The following PTPRD variants were observed in gnomAD, a reference collection of about 807,000 sequenced individuals.
PTPRD encodes receptor-type tyrosine-protein phosphatase delta.
PTPRD carries 34 observed loss-of-function variants against 214.5 expected under a neutral mutation model. The ratio of observed to expected loss-of-function variants is 0.16; its 90% CI spans 0.12 to 0.21. PTPRD has a LOEUF of 0.21. PTPRD is among the 10% of genes least tolerant of loss of function. The pLI, the probability that PTPRD is intolerant of heterozygous loss-of-function variation, is 1.00. For synonymous variants in PTPRD, 1,128 were observed against 845.7 expected (o/e 1.33, Z -5.79); for missense variants, 2,545 against 2,398.7 (o/e 1.06, Z -1.27).
intron 35 of PTPRD, among the ~76,000 whole-genome samples, chr9:8,415,165 A>C (rs1015210022): frequency 6.6e-6 from 1 of 152,154 alleles, no homozygotes; most frequent in Admixed American, 6.6e-5. Flanking sequence ...ACCATGATTC[A>C]CCCTTGTTCA....
chr9:9,037,625 T>G (rs324517), intron 10 of PTPRD, among the ~76,000 whole-genome samples: 55,180 of 152,008 alleles, frequency 0.36, 10,399 homozygotes, highest in Non-Finnish European at 0.39. Context: ...ACTAAGGGCT[T>G]AAGGTAAAAG....
chr9:9,173,095 G>A (rs1014043703), intron 10 of PTPRD, among the ~76,000 whole-genome samples: 2 of 152,010 alleles, frequency 1.3e-5, no homozygotes, highest in Non-Finnish European at 2.9e-5. Flanking sequence ...GAGCCCTTCT[G>A]TTCCTTGCTT....
intron 7 of PTPRD, among the ~76,000 whole-genome samples, chr9:9,629,744 T>C (rs1298646667): frequency 1.3e-5 from 2 of 151,976 alleles, no homozygotes; most frequent in East Asian, 1.9e-4. Flanking sequence ...GGGAAAGGAA[T>C]AGGCTCTTTC....
chr9:9,524,882 G>C (rs533491553), intron 8 of PTPRD, among the ~76,000 whole-genome samples: 2 of 152,328 alleles, frequency 1.3e-5, no homozygotes, highest in South Asian at 4.1e-4. Flanking sequence ...TGTTGAGACG[G>C]AGTCTCGCTC....
At position 10,288,746 on chromosome 9, in the gene PTPRD, T is replaced by C. The variant is rs74424072; in HGVS notation, c.-545+52217A>G. ...ATGAAAGCTTTATCTCTGCCTCATT[T>C]ACTTTACAAATTCTAAAATATAGAC... On this transcript the variant is annotated intron_variant, in intron 3 of 45. Transcript: ENST00000381196. Among the ~76,000 whole-genome samples, 1,179 of 152,328 alleles carry C rather than the reference T, an allele frequency of 7.7e-3. 8 individuals are homozygous for C. The highest frequency in any genetic ancestry group is 0.013 in the Non-Finnish European group (899 of 68,036).
At chr9:9,825,272 C>T (rs1480311366) in intron 5 of PTPRD, among the ~76,000 whole-genome samples, 1 of 151,048 alleles carries the variant, frequency 6.6e-6, no homozygotes, top group Non-Finnish European at 1.5e-5. Flanking sequence ...GCTTCTCAAC[C>T]TCTGAAATAT....
chr9:9,149,551 C>T (rs1726145136), intron 10 of PTPRD, among the ~76,000 whole-genome samples: 2 of 152,126 alleles, frequency 1.3e-5, no homozygotes, highest in Admixed American at 1.3e-4. Flanking sequence ...TTCACGGGTT[C>T]CCTGGCAATC....
intron 26 of PTPRD, 116 bp from the exon 27 acceptor site, chr9:8,493,095 T>A: frequency 1.2e-6 from 1 of 824,052 alleles, no homozygotes; most frequent in Non-Finnish European, 2.0e-6. Context: ...GCAGCCATGC[T>A]AAGCCCTGGA....
chr9:9,626,674 A>G (rs1172731461), intron 7 of PTPRD, among the ~76,000 whole-genome samples: 1 of 152,230 alleles, frequency 6.6e-6, no homozygotes, highest in Middle Eastern at 3.2e-3. Flanking sequence ...CAAGTACTGT[A>G]CATATAATAT....
At chr9:8,495,105 C>T (rs1217507139) in intron 26 of PTPRD, among the ~76,000 whole-genome samples, 1 of 152,080 alleles carries the variant, frequency 6.6e-6, no homozygotes, top group Non-Finnish European at 1.5e-5. Context: ...GATTTATTTC[C>T]AGCTGTGACT....
intron 9 of PTPRD, among the ~76,000 whole-genome samples, chr9:9,249,553 T>C (rs958057966): frequency 3.3e-5 from 5 of 152,124 alleles, no homozygotes; most frequent in Non-Finnish European, 5.9e-5. Flanking sequence ...CTCTCCATTT[T>C]TGTCTATGTC....
At chr9:9,626,285 A>C (rs12379710) in intron 7 of PTPRD, among the ~76,000 whole-genome samples, 18,046 of 152,144 alleles carry the variant, frequency 0.12, 1,141 homozygotes, top group Middle Eastern at 0.19. Flanking sequence ...GGGTGCTAGT[A>C]ATGACTACTT....
chr9:8,513,660 G>C (rs2097726089), intron 21 of PTPRD, among the ~76,000 whole-genome samples: 1 of 152,104 alleles, frequency 6.6e-6, no homozygotes, highest in East Asian at 1.9e-4. Flanking sequence ...ATCTCATAAT[G>C]GTTATCGTCC....
rs566602388 is a variant in PTPRD, at chr9:10,239,771, A to G, written c.-545+101192T>C. The stretch of plus-strand genomic sequence containing the variant: ...CTCACAAAATGATAACGCAATCTGA[A>G]GGCCTAAGAAGCAGCCTCAGAAGCA... On this transcript the variant is annotated intron_variant, in intron 3 of 45. Transcript: ENST00000381196. Among the ~76,000 whole-genome samples the G allele has an allele frequency of 2.0e-5, 3 of 152,030 alleles. No individual in the cohort carries two copies. The East Asian group carries it at 5.8e-4, about 30-fold the overall frequency.
At chr9:8,699,702 T>G (rs371538267) in intron 12 of PTPRD, among the ~76,000 whole-genome samples, 2 of 151,908 alleles carry the variant, frequency 1.3e-5, no homozygotes, top group African/African-American at 4.8e-5. Context: ...AATTCTTTTC[T>G]GAAATGGTAT....
intron 2 of PTPRD, among the ~76,000 whole-genome samples, chr9:10,589,141 T>C (rs1233522690): frequency 2.6e-5 from 4 of 152,028 alleles, no homozygotes; most frequent in African/African-American, 4.8e-5. Context: ...TCATATCTAA[T>C]TGAAAGTCAG....
chr9:9,542,570 A>T (rs2077847793), intron 8 of PTPRD, among the ~76,000 whole-genome samples: 1 of 151,762 alleles, frequency 6.6e-6, no homozygotes, highest in Admixed American at 6.6e-5. Flanking sequence ...TTTATATCTA[A>T]CATAGGTCTT....
chr9:9,833,302 G>T (rs1440778569), intron 5 of PTPRD, among the ~76,000 whole-genome samples: 2 of 151,914 alleles, frequency 1.3e-5, no homozygotes, highest in African/African-American at 4.8e-5. Context: ...TCATACATTG[G>T]TAGGATCCGT....
intron 11 of PTPRD, among the ~76,000 whole-genome samples, chr9:8,968,440 C>T (rs1027629860): frequency 1.2e-4 from 18 of 151,536 alleles, no homozygotes; most frequent in South Asian, 1.0e-3. Context: ...TTTTAATGAT[C>T]GCCGTTCTAA....
Sources: gnomAD v4.1 joint callset for allele counts (sites outside exome capture counted in the v4.1 genomes callset) on GRCh38, gnomAD v4.1.1 for gene constraint, MANE v1.5 for transcripts, NCBI Gene and HGNC (gene_info 2026-07-23, HGNC 2026-07-21) for gene names.